SCN10A: variants seen among roughly 807,000 people sequenced by gnomAD.
SCN10A encodes the protein sodium channel protein type 10 subunit alpha.
In SCN10A, 162 loss-of-function variants were observed where a neutral mutation model predicts 170.7. The ratio of observed to expected loss-of-function variants is 0.95; its 90% CI spans 0.84 to 1.08. The LOEUF (loss-of-function observed/expected upper bound fraction) is 1.08. Among genes scored for constraint, SCN10A ranks in the 50% least tolerant of loss-of-function variants. The probability of loss-of-function intolerance (pLI) is 0.00; values close to 1 mark genes in which losing one functional copy is unlikely to be tolerated. For missense variants in SCN10A, 2,527 were observed against 2,436.9 expected (o/e 1.04, Z -0.78); for synonymous variants, 985 against 904.6 (o/e 1.09, Z -1.59).
chr3:38,707,316 C>A lies in SCN10A; in HGVS notation c.4349G>T (p.Gly1450Val). Residue 1450 changes from glycine to valine, a missense_variant, in exon 26 of 28, where the codon GGC becomes GTC. Physicochemically the swap from Gly to Val is moderately radical, Grantham distance 109. Coordinates refer to ENST00000449082, the MANE Select transcript of SCN10A (RefSeq NM_006514.4). ...KKYYNAMKKL[G>V]SKKPQKPIPR... is the part of the protein sequence containing the mutation. ...GATGGGCTTCTGGGGCTTCTTGGAG[C>A]CCAACTTCTTCATGGCATTGTAGTA... 1 of 1,614,112 alleles carries A rather than the reference C, an allele frequency of 6.2e-7. No homozygotes were observed. Among genetic ancestry groups the A allele is most frequent in the Non-Finnish European group, 8.5e-7 (1 of 1,180,004 alleles).
intron 13 of SCN10A, among the ~76,000 whole-genome samples, chr3:38,742,813 G>T (rs1462677542): frequency 2.6e-5 from 4 of 152,118 alleles, no homozygotes; most frequent in Non-Finnish European, 5.9e-5. Flanking sequence ...GCCCAGCTTA[G>T]ATTTCACATC....
intron 1 of SCN10A, among the ~76,000 whole-genome samples, chr3:38,806,366 G>T (rs1008426533): frequency 1.3e-5 from 2 of 152,096 alleles, no homozygotes; most frequent in African/African-American, 4.8e-5. Flanking sequence ...TTGTGTCAAA[G>T]GAAGAAAAGA....
intron 5 of SCN10A, among the ~76,000 whole-genome samples, chr3:38,768,174 G>A (rs556122502): frequency 7.0e-6 from 1 of 142,722 alleles, no homozygotes; most frequent in African/African-American, 2.5e-5. Context: ...ATACTTGGTT[G>A]GTGGATTTTT....
Position 38,746,503 on chromosome 3 carries a change from T to C in SCN10A, c.1867+3570A>G, listed in dbSNP as rs2063692394. ...TATATCTACAAGTATCCAGAGTAAC[T>C]TTTATAAAATGCAAATGTAACTTCC... On this transcript the variant is annotated intron_variant, in intron 13 of 27. Transcript: ENST00000449082. Among the ~76,000 whole-genome samples the C allele has an allele frequency of 2.0e-5, 3 of 152,110 alleles. No individual in the cohort carries two copies. The South Asian group carries it at 6.3e-4, about 32-fold the overall frequency.
chr3:38,802,798 TG>T (rs2064380598), intron 1 of SCN10A, among the ~76,000 whole-genome samples: 1 of 151,966 alleles, frequency 6.6e-6, no homozygotes, highest in Non-Finnish European at 1.5e-5. Context: ...AATTGACAAA[TG>T]GGATCTAATT....
At chr3:38,812,487 TC>T (rs2064447356) in intron 1 of SCN10A, among the ~76,000 whole-genome samples, 1 of 152,126 alleles carries the variant, frequency 6.6e-6, no homozygotes, top group Non-Finnish European at 1.5e-5. Context: ...TACACCAAGT[TC>T]ATTCATCTGA....
chr3:38,724,956 G>C, intron 18 of SCN10A, among the ~76,000 whole-genome samples: 1 of 152,198 alleles, frequency 6.6e-6, no homozygotes, highest in East Asian at 1.9e-4. Context: ...AACCACCCTG[G>C]AGTGAGATTG....
At chr3:38,765,778 A>C (rs2063925666) in intron 5 of SCN10A, among the ~76,000 whole-genome samples, 1 of 152,116 alleles carries the variant, frequency 6.6e-6, no homozygotes, top group African/African-American at 2.4e-5. Flanking sequence ...CTTCAATGGA[A>C]ATTGTATTGA....
At chr3:38,763,734 T>G (rs2063901897) in intron 5 of SCN10A, 138 bp from the exon 6 acceptor site, 1 of 656,010 alleles carries the variant, frequency 1.5e-6, no homozygotes, top group East Asian at 2.6e-5. Context: ...GACACTGCCA[T>G]CTATAGACTG....
At chr3:38,786,626 A>AT (rs1260683821) in intron 4 of SCN10A, among the ~76,000 whole-genome samples, 8 of 152,152 alleles carry the variant, frequency 5.3e-5, no homozygotes, top group Admixed American at 2.0e-4. Flanking sequence ...TTAAAGTAAA[A>AT]TTTAAAAAAG....
chr3:38,752,850 A>G (rs1029840571), intron 11 of SCN10A, among the ~76,000 whole-genome samples: 2 of 152,218 alleles, frequency 1.3e-5, no homozygotes, highest in Non-Finnish European at 2.9e-5. Flanking sequence ...ACAGGGCTAG[A>G]CAAAGCTGTC....
chr3:38,722,139 A>C, intron 20 of SCN10A, 119 bp downstream of exon 20: 2 of 968,738 alleles, frequency 2.1e-6, no homozygotes, highest in East Asian at 2.5e-5. Context: ...TTCTAGTGAC[A>C]AGGTTGGGGA....
At chr3:38,720,670 G>A (rs2125995930) in intron 20 of SCN10A, among the ~76,000 whole-genome samples, 1 of 152,192 alleles carries the variant, frequency 6.6e-6, no homozygotes, top group African/African-American at 2.4e-5. Flanking sequence ...CAGTGCTGCA[G>A]GTCTGAGCTT....
chr3:38,737,363 T>C (rs371324921), intron 15 of SCN10A, among the ~76,000 whole-genome samples: 41 of 152,310 alleles, frequency 2.7e-4, no homozygotes, highest in Admixed American at 8.5e-4. Context: ...GTACCTTATA[T>C]TGACCATTAG....
intron 17 of SCN10A, 98 bp downstream of exon 17, chr3:38,726,508 T>C: frequency 2.1e-6 from 2 of 974,704 alleles, no homozygotes; most frequent in South Asian, 2.1e-5. Context: ...AACTTCTTTA[T>C]GTCAAGGTCT....
At chr3:38,735,156 C>T (rs1231160565) in intron 15 of SCN10A, among the ~76,000 whole-genome samples, 2 of 120,526 alleles carry the variant, frequency 1.7e-5, no homozygotes, top group African/African-American at 6.6e-5. Flanking sequence ...GGTGACAGAG[C>T]GAGACTCTGT....
chr3:38,702,154 C>T (rs1444112684), intron 26 of SCN10A, 45 bp from the exon 27 acceptor site: 2 of 1,514,534 alleles, frequency 1.3e-6, no homozygotes, highest in African/African-American at 2.8e-5. Context: ...TGGGCCAGCA[C>T]AAACCAGGCA....
chr3:38,752,128 G>T, intron 12 of SCN10A, 91 bp downstream of exon 12: 1 of 1,194,766 alleles, frequency 8.4e-7, no homozygotes, highest in Non-Finnish European at 1.1e-6. Context: ...GATGGCTAAA[G>T]ATCCCTTCCA....
intron 1 of SCN10A, among the ~76,000 whole-genome samples, chr3:38,809,223 T>C (rs2064424350): frequency 6.6e-6 from 1 of 152,162 alleles, no homozygotes; most frequent in Admixed American, 6.5e-5. Flanking sequence ...CCAAATGTGA[T>C]TGGTCTGTTT....
Sources: allele counts gnomAD v4.1 joint callset (sites outside exome capture counted in the v4.1 genomes callset), GRCh38; gene constraint gnomAD v4.1.1; transcripts MANE v1.5; gene names NCBI Gene and HGNC (gene_info 2026-07-23, HGNC 2026-07-21).